The following SCN8A variants were observed in gnomAD, a reference collection of about 807,000 sequenced individuals.
The protein encoded by SCN8A is sodium channel protein type 8 subunit alpha.
A neutral mutation model predicts 184.1 loss-of-function variants in SCN8A; 30 were observed. The ratio of observed to expected loss-of-function variants is 0.16; its 90% CI spans 0.12 to 0.22. The LOEUF is 0.22. SCN8A is among the 10% of genes least tolerant of loss of function. The probability of loss-of-function intolerance (pLI) is 1.00; values close to 1 mark genes in which losing one functional copy is unlikely to be tolerated. For synonymous variants in SCN8A, 852 were observed against 907.0 expected, an observed-to-expected ratio of 0.94 and a Z score of 1.09; for missense variants, 1,057 against 2,498.9, an observed-to-expected ratio of 0.42 and a Z score of 12.30.
At chr12:51,675,971 T>C (rs1325329643) in intron 2 of SCN8A, among the ~76,000 whole-genome samples, 1 of 152,222 alleles carries the variant, frequency 6.6e-6, no homozygotes, top group Non-Finnish European at 1.5e-5. Flanking sequence ...AATTTTATTA[T>C]TTCTTCAAAT....
intron 11 of SCN8A, chr12:51,713,193 C>G: frequency 8.5e-7 from 1 of 1,178,502 alleles, no homozygotes. Flanking sequence ...AATTATATTC[C>G]TTTGTATCTT....
At chr12:51,695,149 C>T (rs1050536421) in intron 6 of SCN8A, among the ~76,000 whole-genome samples, 3 of 152,064 alleles carry the variant, frequency 2.0e-5, no homozygotes, top group Non-Finnish European at 4.4e-5. Context: ...GGAGAGTAAA[C>T]CTTTTAGATT....
Position 51,774,308 on chromosome 12 carries a change from C to A in SCN8A, c.3765C>A (p.Gly1255=). The A allele has an allele frequency of 6.2e-7, 1 of 1,613,802 alleles. No homozygotes were observed. The highest frequency in any genetic ancestry group is 8.5e-7 in the Non-Finnish European group (1 of 1,179,802). The change falls in exon 20 of 27, where the codon GGC becomes GGA. Residue 1255 remains glycine, a synonymous_variant. Coordinates refer to ENST00000627620, the MANE Select transcript of SCN8A (RefSeq NM_001330260.2). The stretch of plus-strand genomic sequence containing the variant: ...TGTTGCTCAAGTGGACAGCCTATGG[C>A]TTCGTCAAGTTCTTCACCAATGCCT... The part of the protein sequence containing the change: ...LEMLLKWTAY[G]FVKFFTNAWC...
intron 2 of SCN8A, among the ~76,000 whole-genome samples, chr12:51,675,741 T>A (rs1941211994): frequency 6.6e-6 from 1 of 152,218 alleles, no homozygotes; most frequent in African/African-American, 2.4e-5. Flanking sequence ...TATGCCTTGA[T>A]AATTAAGAGT....
In SCN8A at chr12:51,721,890, C is replaced by T. The variant is rs1401259540; in HGVS notation, c.1980C>T (p.Gly660=). 1 of 1,600,672 alleles carries T rather than the reference C, an allele frequency of 6.2e-7. No homozygotes were observed. Among genetic ancestry groups the T allele is most frequent in the South Asian group, 1.1e-5 (1 of 91,088 alleles). The part of the protein sequence containing the change: ...SLIGGPGSHI[G]GRLLPEATTE... ...TCGGCGGCCCCGGCTCCCACATCGG[C>T]GGGCGTCTCCTGCCAGAGGTGAAAA... The change falls in exon 12 of 27, where the codon GGC becomes GGT. Residue 660 remains glycine (G), a synonymous_variant. Coordinates refer to ENST00000627620, the MANE Select transcript of SCN8A (RefSeq NM_001330260.2).
chr12:51,699,787 T>C lies in SCN8A; in HGVS notation c.924T>C (p.Asn308=), dbSNP rs765750514. 6.2e-7 allele frequency: 1 copy of C among 1,611,016 alleles called. No individual in the cohort carries two copies. The highest frequency in any genetic ancestry group is 8.5e-7 in the Non-Finnish European group (1 of 1,178,246). The change falls in exon 7 of 27, where the codon AAT becomes AAC. Residue 308 remains asparagine (N), a synonymous_variant. Transcript: ENST00000627620. ...KGFDWEEYIN[N]KTNFYTVPGM... ...TTGATTGGGAAGAGTATATCAACAA[T>C]AAAAGTAGGTGGCCTCTTCTCTGCA...
intron 2 of SCN8A, among the ~76,000 whole-genome samples, chr12:51,668,617 G>A (rs1018645889): frequency 6.6e-5 from 10 of 152,120 alleles, no homozygotes; most frequent in Non-Finnish European, 1.2e-4. Flanking sequence ...AGTGGTAAGA[G>A]CAGTGCTTCT....
rs1188090259 is a variant in SCN8A at position 51,812,068 on chromosome 12, G to GC, written c.*4640dup. ...TTTGCAACAGAGTTTCCATTGTTCAGCTCTGTGCTTTCTTGGATTCCCTTT... is the reference window on the plus strand; with the variant it reads ...TTTGCAACAGAGTTTCCATTGTTCAGCCTCTGTGCTTTCTTGGATTCCCTTT... On this transcript the variant is annotated 3_prime_UTR_variant, in exon 27 of 27. Transcript: ENST00000627620. 1 of 152,144 alleles carries GC rather than the reference G, an allele frequency of 6.6e-6. No homozygotes were observed. The highest frequency in any genetic ancestry group is 2.4e-5 in the African/African-American group (1 of 41,396). The allele number at this position is 152,144 out of a possible 1,614,324, so 9.4% of individuals were successfully genotyped here. A position where few individuals can be genotyped will look rare whatever the true frequency, so the allele number is the denominator to read the frequency against.
intron 14 of SCN8A, among the ~76,000 whole-genome samples, chr12:51,758,140 A>G (rs964038203): frequency 6.6e-6 from 1 of 152,196 alleles, no homozygotes; most frequent in African/African-American, 2.4e-5. Flanking sequence ...TGGCTAGAAC[A>G]TAGCGAGACC....
At position 51,641,471 on chromosome 12, in the gene SCN8A, C is replaced by CT. The variant is rs145957454; in HGVS notation, c.-54-21292dup. ...CAGAATGGAGAGTCAACTCCTGAGT[C>CT]TAAGTCCTAGCTCTGCTACTTATTA... On this transcript the variant is annotated intron_variant, in intron 1 of 26. Coordinates refer to ENST00000627620, the MANE Select transcript of SCN8A (RefSeq NM_001330260.2). Among the ~76,000 whole-genome samples, 29 of 152,330 alleles carry CT rather than the reference C, an allele frequency of 1.9e-4. No homozygotes were observed. The East Asian group carries it at 5.6e-3, about 29-fold the overall frequency.
intron 11 of SCN8A, among the ~76,000 whole-genome samples, chr12:51,714,283 G>C (rs1941930137): frequency 6.6e-6 from 1 of 152,224 alleles, no homozygotes; most frequent in African/African-American, 2.4e-5. Context: ...CTCTGTTATA[G>C]TAAAATCCCT....
At chr12:51,775,320 T>A (rs1185535474) in intron 20 of SCN8A, among the ~76,000 whole-genome samples, 1 of 152,256 alleles carries the variant, frequency 6.6e-6, no homozygotes, top group Non-Finnish European at 1.5e-5. Context: ...GGATCCAGGA[T>A]AGAGCAGCAT....
chr12:51,807,558 G>A lies in SCN8A; in HGVS notation c.*129G>A, dbSNP rs912873848. On this transcript the variant is annotated 3_prime_UTR_variant, in exon 27 of 27. Transcript: ENST00000627620. The surrounding 1 kb of genome is among the most constrained non-coding windows in gnomAD (Gnocchi z 4.5). Reference sequence around the variant, plus strand: ...AACCTGAAGATCTATACCAAACGTCGTCTGCTTACCACGTAACACAGCTGC... The same window carrying A: ...AACCTGAAGATCTATACCAAACGTCATCTGCTTACCACGTAACACAGCTGC... The A allele has an allele frequency of 2.9e-5, 30 of 1,020,720 alleles. No individual in the cohort carries two copies. Among genetic ancestry groups the A allele is most frequent in the East Asian group, 5.2e-5 (2 of 38,436 alleles). 63.2% of individuals were successfully genotyped at this position (1,020,720 alleles called of 1,614,324 possible).
intron 6 of SCN8A, among the ~76,000 whole-genome samples, chr12:51,696,999 AT>A (rs1941604079): frequency 6.9e-6 from 1 of 144,194 alleles, no homozygotes; most frequent in Non-Finnish European, 1.5e-5. Context: ...AGATCGTGCC[AT>A]TGCACTCCAG....
intron 11 of SCN8A, among the ~76,000 whole-genome samples, chr12:51,711,331 A>T (rs1941872402): frequency 6.6e-6 from 1 of 152,184 alleles, no homozygotes; most frequent in Admixed American, 6.5e-5. Flanking sequence ...TAATCTCTCC[A>T]TTCAAAAAAA....
chr12:51,615,785 G>A (rs772650291), intron 1 of SCN8A, among the ~76,000 whole-genome samples: 1 of 152,076 alleles, frequency 6.6e-6, no homozygotes, highest in African/African-American at 2.4e-5. Flanking sequence ...TGGTACAATC[G>A]TAGCTCACTG....
intron 11 of SCN8A, among the ~76,000 whole-genome samples, chr12:51,711,971 A>G (rs1941885112): frequency 1.3e-5 from 2 of 152,194 alleles, no homozygotes; most frequent in Non-Finnish European, 2.9e-5. Context: ...ACAAAATAGT[A>G]ATTAACAATG....
intron 5 of SCN8A, 133 bp downstream of exon 5, chr12:51,687,352 C>T: frequency 4.0e-6 from 4 of 998,008 alleles, no homozygotes; most frequent in Non-Finnish European, 5.9e-6. Context: ...ATGTAAGGCC[C>T]TGTGGGCTTA....
At chr12:51,630,088 A>T (rs941452262) in intron 1 of SCN8A, among the ~76,000 whole-genome samples, 1 of 152,074 alleles carries the variant, frequency 6.6e-6, no homozygotes, top group African/African-American at 2.4e-5. Context: ...TGATTTTTTC[A>T]TTTTGAAAAA....
Sources: gnomAD v4.1 joint callset for allele counts (sites outside exome capture counted in the v4.1 genomes callset) on GRCh38, gnomAD v4.1.1 for gene constraint, Gnocchi (gnomAD v3.1) non-coding constraint, MANE v1.5 for transcripts, NCBI Gene and HGNC (gene_info 2026-07-23, HGNC 2026-07-21) for gene names.